The following MAST4 variants were observed in gnomAD, a reference collection of about 807,000 sequenced individuals.
The protein encoded by MAST4 is microtubule associated serine/threonine kinase family member 4, also known as microtubule-associated serine/threonine-protein kinase 4.
MAST4 carries 89 observed loss-of-function variants against 162.7 expected under a neutral mutation model. The ratio of observed to expected loss-of-function variants is 0.55; its 90% CI spans 0.46 to 0.65. The LOEUF is 0.65. Ranked by LOEUF, MAST4 falls within the 30% of genes least tolerant of loss-of-function variation. The probability of loss-of-function intolerance (pLI) is 0.00; values close to 1 mark genes in which losing one functional copy is unlikely to be tolerated. For missense variants in MAST4, 3,153 were observed against 3,374.0 expected (o/e 0.93, Z 1.62); for synonymous variants, 1,479 against 1,361.1 (o/e 1.09, Z -1.91).
intron 4 of MAST4, among the ~76,000 whole-genome samples, chr5:67,006,799 CAGAG>C (rs929428691): frequency 4.4e-4 from 67 of 152,266 alleles, no homozygotes; most frequent in African/African-American, 1.5e-3. Context: ...CTCACACTGA[CAGAG>C]AGCCTAGATT....
intron 4 of MAST4, among the ~76,000 whole-genome samples, chr5:66,977,079 T>C (rs1333963488): frequency 1.3e-5 from 2 of 152,082 alleles, no homozygotes; most frequent in Admixed American, 6.5e-5. Context: ...CTCACCTTCA[T>C]GAATATGGGG....
intron 3 of MAST4, among the ~76,000 whole-genome samples, chr5:66,829,340 G>C (rs576378641): frequency 1.3e-5 from 2 of 152,080 alleles, no homozygotes; most frequent in African/African-American, 2.4e-5. Context: ...AATTTTCCCC[G>C]TCAGTGAAAT....
Position 66,596,625 on chromosome 5 carries a change from G to C in MAST4, c.-31G>C. The C allele has an allele frequency of 7.1e-7, 1 of 1,401,092 alleles. No individual in the cohort carries two copies. The highest frequency in any genetic ancestry group is 1.7e-5 in the South Asian group (1 of 59,840). 86.8% of individuals were successfully genotyped at this position (1,401,092 alleles called of 1,614,324 possible). A position where few individuals can be genotyped will look rare whatever the true frequency, so the allele number is the denominator to read the frequency against. ...GCTGAGTGCGCGCCGCGCCCCCGCC[G>C]CTCGGGAGGCACTTTGGGCCAGACA... On this transcript the variant is annotated 5_prime_UTR_variant, in exon 1 of 29. Transcript: ENST00000403625.
intron 4 of MAST4, among the ~76,000 whole-genome samples, chr5:67,026,998 G>A (rs1051071178): frequency 2.6e-5 from 4 of 151,890 alleles, no homozygotes; most frequent in African/African-American, 4.8e-5. Context: ...ATGGAAGGTA[G>A]GATATAATAT....
chr5:66,861,791 C>G lies in MAST4; in HGVS notation c.643-38160C>G, dbSNP rs532613081. 1.5e-4 allele frequency among the ~76,000 whole-genome samples: 23 copies of G among 152,256 alleles called. No homozygotes were observed. In the East Asian group the frequency reaches 3.1e-3, roughly 20 times the overall value. ...TTAATAAGAGGGAGGGATAAGATGA[C>G]CTTTTATCCATATACCCCACCCTAG... On this transcript the variant is annotated intron_variant, in intron 3 of 28. Transcript: ENST00000403625.
chr5:67,061,415 T>C (rs1164618667), intron 5 of MAST4, among the ~76,000 whole-genome samples: 1 of 152,234 alleles, frequency 6.6e-6, no homozygotes, highest in African/African-American at 2.4e-5. Flanking sequence ...GTTTAATTTT[T>C]ATTTTATTGG....
intron 3 of MAST4, among the ~76,000 whole-genome samples, chr5:66,899,607 T>C (rs897476978): frequency 1.2e-4 from 19 of 152,308 alleles, no homozygotes; most frequent in Admixed American, 7.8e-4. Flanking sequence ...TTCTTATAGT[T>C]AAATCCTGTT....
chr5:66,705,781 A>C (rs1308882244), intron 1 of MAST4, among the ~76,000 whole-genome samples: 1 of 152,224 alleles, frequency 6.6e-6, no homozygotes, highest in East Asian at 1.9e-4. Context: ...AAAATTAATA[A>C]ATTCAAAACC....
chr5:67,166,587 G>T lies in MAST4; in HGVS notation c.7408G>T (p.Ala2470Ser). 6.2e-7 allele frequency: 1 copy of T among 1,602,820 alleles called. No individual in the cohort carries two copies. The highest frequency in any genetic ancestry group is 8.5e-7 in the Non-Finnish European group (1 of 1,174,932). The change falls in exon 29 of 29, where the codon GCC becomes TCC. Residue 2470 changes from alanine to serine, a missense_variant. Physicochemically the swap from Ala to Ser is moderately conservative, Grantham distance 99. This residue lies in a region of MAST4 where 1,644 missense variants were observed against 1,495.0 expected (regional missense o/e 1.10). Transcript: ENST00000403625. Reference sequence around the variant, plus strand: ...CTCCTCCAGCTTCCCTGAAACCAGGGCCGGAGTTAGAGAGGCCTCTGCAGC... The same window carrying T: ...CTCCTCCAGCTTCCCTGAAACCAGGTCCGGAGTTAGAGAGGCCTCTGCAGC... ...SCSSSFPETRAGVREASAASS... is the reference protein window; with the variant it reads ...SCSSSFPETRSGVREASAASS...
intron 4 of MAST4, among the ~76,000 whole-genome samples, chr5:67,042,576 G>A (rs1756894033): frequency 6.6e-6 from 1 of 151,482 alleles, no homozygotes; most frequent in South Asian, 2.1e-4. Context: ...GCTCCTTAGA[G>A]ACTACTTCCC....
At chr5:66,615,501 A>G (rs1418678146) in intron 1 of MAST4, among the ~76,000 whole-genome samples, 1 of 152,146 alleles carries the variant, frequency 6.6e-6, no homozygotes, top group African/African-American at 2.4e-5. Flanking sequence ...CAGGCCTTGG[A>G]ATCAGAATGA....
chr5:66,688,090 T>G lies in MAST4; in HGVS notation c.364-71619T>G, dbSNP rs4279294. ...CTTTAGCTTGGTTTGGACAGTAATA[T>G]GGAATAGCCCACTCTCCATCTCTGG... On this transcript the variant is annotated intron_variant, in intron 1 of 28. Transcript: ENST00000403625. 7.1e-3 allele frequency among the ~76,000 whole-genome samples: 1,076 copies of G among 152,312 alleles called. 38 individuals are homozygous for G. Among genetic ancestry groups the G allele is most frequent in the Admixed American group, 0.054 (826 of 15,288 alleles).
chr5:66,699,461 T>A (rs1175451306), intron 1 of MAST4, among the ~76,000 whole-genome samples: 1 of 152,198 alleles, frequency 6.6e-6, no homozygotes, highest in African/African-American at 2.4e-5. Flanking sequence ...CAGAGGGATT[T>A]TTTTGTTAGT....
At chr5:66,660,217 C>T (rs539226534) in intron 1 of MAST4, among the ~76,000 whole-genome samples, 7 of 152,218 alleles carry the variant, frequency 4.6e-5, no homozygotes, top group African/African-American at 9.6e-5. Flanking sequence ...GGAGAAACCC[C>T]GTCTGTACTG....
intron 3 of MAST4, chr5:66,789,683 T>G (rs1278742049): frequency 1.9e-6 from 1 of 517,508 alleles, no homozygotes; most frequent in Non-Finnish European, 3.9e-6. Context: ...CTCTCTGTGA[T>G]GTTAATTGTG....
intron 4 of MAST4, among the ~76,000 whole-genome samples, chr5:66,924,727 C>G (rs1393734022): frequency 6.6e-6 from 1 of 151,992 alleles, no homozygotes; most frequent in Non-Finnish European, 1.5e-5. Flanking sequence ...TTAAATTGAT[C>G]ATGTAGGTGG....
At position 66,931,076 on chromosome 5, in the gene MAST4, T is replaced by C. The variant is rs1038955825; in HGVS notation, c.674+31094T>C. Reference sequence around the variant, plus strand: ...TAGGGGAAATATAGCTTCTGAGAACTTACTTTATCTGTAACAAGGCCAAGT... The same window carrying C: ...TAGGGGAAATATAGCTTCTGAGAACCTACTTTATCTGTAACAAGGCCAAGT... On this transcript the variant is annotated intron_variant, in intron 4 of 28. Transcript: ENST00000403625. 9 of 201,130 alleles carry C rather than the reference T, an allele frequency of 4.5e-5. No homozygotes were observed. The South Asian group carries it at 7.8e-4, about 17-fold the overall frequency. The allele number at this position is 201,130 out of a possible 1,614,324, so 12.5% of individuals were successfully genotyped here.
At chr5:67,120,918 A>C (rs1032151073) in intron 13 of MAST4, 99 bp from the exon 14 acceptor site, 5 of 851,786 alleles carry the variant, frequency 5.9e-6, no homozygotes, top group Non-Finnish European at 9.2e-6. Context: ...ACTTCAACAT[A>C]TTACATAACA....
chr5:66,980,177 A>G lies in MAST4; in HGVS notation c.675-74227A>G, dbSNP rs570019005. On this transcript the variant is annotated intron_variant, in intron 4 of 28. Coordinates refer to ENST00000403625, the MANE Select transcript of MAST4 (RefSeq NM_001164664.2). Reference sequence around the variant, plus strand: ...GTCTCTTGCGGTGGCTGAGATGTACATATCTGGCCAGAGATAAGTCCCCCA... The same window carrying G: ...GTCTCTTGCGGTGGCTGAGATGTACGTATCTGGCCAGAGATAAGTCCCCCA... Among the ~76,000 whole-genome samples the G allele has an allele frequency of 3.1e-4, 47 of 152,308 alleles. No homozygotes were observed. The East Asian group carries it at 7.0e-3, about 23-fold the overall frequency.
Sources: gnomAD v4.1 joint callset for allele counts (sites outside exome capture counted in the v4.1 genomes callset) on GRCh38, gnomAD v4.1.1 for gene constraint, gnomAD v4.1.1 regional missense constraint, MANE v1.5 for transcripts, NCBI Gene and HGNC (gene_info 2026-07-23, HGNC 2026-07-21) for gene names.